Variants in CECR2 observed in about 807,000 individuals in gnomAD.
CECR2 encodes the protein chromatin remodeling regulator CECR2.
Under a neutral mutation model 154.5 loss-of-function variants are expected in CECR2, and 30 were observed. The observed-to-expected ratio is 0.19, with a 90% CI of 0.15 to 0.26. The LOEUF is 0.26. CECR2 is among the 10% of genes least tolerant of loss of function. The pLI is 1.00. For synonymous variants in CECR2, 725 were observed against 683.7 expected (o/e 1.06, Z -0.94); for missense variants, 1,743 against 1,829.3 (o/e 0.95, Z 0.86).
intron 1 of CECR2, among the ~76,000 whole-genome samples, chr22:17,432,207 A>G (rs910885223): frequency 2.0e-5 from 3 of 152,112 alleles, no homozygotes; most frequent in Non-Finnish European, 2.9e-5. Context: ...ATTTCCTGTA[A>G]GTGGAATCAC....
In CECR2 at chr22:17,505,884, G is replaced by GC. The variant is rs533565573; in HGVS notation, c.870+871dup. Among the ~76,000 whole-genome samples the GC allele has an allele frequency of 1.1e-3, 136 of 122,358 alleles. 1 individual carries two copies. Among genetic ancestry groups the GC allele is most frequent in the East Asian group, 2.1e-3 (8 of 3,858 alleles). 80.3% of individuals were successfully genotyped at this position (122,358 alleles called of 152,430 possible). A position where few individuals can be genotyped will look rare whatever the true frequency, so the allele number is the denominator to read the frequency against. On this transcript the variant is annotated intron_variant, in intron 7 of 18. Coordinates refer to ENST00000262608, the MANE Select transcript of CECR2 (RefSeq NM_001290047.2). Reference sequence around the variant, plus strand: ...TAAGGACAAGCTCTCTCACTTTGTCGCCCAGACTGGAATGCAGTAGTGTGG... The same window carrying GC: ...TAAGGACAAGCTCTCTCACTTTGTCGCCCCAGACTGGAATGCAGTAGTGTGG...
upstream of CECR2, among the ~76,000 whole-genome samples, chr22:17,366,409 G>T (rs2063002027): frequency 1.3e-5 from 2 of 152,116 alleles, no homozygotes; most frequent in African/African-American, 4.8e-5. Flanking sequence ...GGATGGTCTC[G>T]ATCTCTTTAC....
At chr22:17,544,250 G>A (rs2056575194) in intron 16 of CECR2, among the ~76,000 whole-genome samples, 1 of 152,132 alleles carries the variant, frequency 6.6e-6, no homozygotes, top group Non-Finnish European at 1.5e-5. Context: ...TGTAATCCCA[G>A]CACTTTGGGA....
At chr22:17,455,612 TTTTTG>T (rs1312345073) in intron 1 of CECR2, among the ~76,000 whole-genome samples, 2 of 152,134 alleles carry the variant, frequency 1.3e-5, no homozygotes, top group Admixed American at 1.3e-4. Flanking sequence ...AGCACACTGT[TTTTTG>T]TTTTGTTTTG....
chr22:17,391,044 A>G (rs2063320503), intron 1 of CECR2, among the ~76,000 whole-genome samples: 1 of 152,236 alleles, frequency 6.6e-6, no homozygotes, highest in South Asian at 2.1e-4. Flanking sequence ...ACATTGGCTG[A>G]ACCATTTGAA....
rs940161101 is a variant in CECR2 at position 17,511,831 on chromosome 22, A to T, written c.889A>T (p.Thr297Ser). Residue 297 changes from threonine to serine, a missense_variant, in exon 8 of 19, where the codon ACA (threonine) becomes TCA (serine). By Grantham distance (58) the Thr-to-Ser change is moderately conservative. Transcript: ENST00000262608. Reference protein sequence around the residue: ...IAQKGKRPQRTKAELHPRWMS... With the variant: ...IAQKGKRPQRSKAELHPRWMS... Reference sequence around the variant, plus strand: ...ACTATAGGGAAAACGTCCACAGCGCACAAAGGCAGAGTTGCATCCTAGGTG... The same window carrying T: ...ACTATAGGGAAAACGTCCACAGCGCTCAAAGGCAGAGTTGCATCCTAGGTG... The T allele has an allele frequency of 3.7e-6, 6 of 1,612,888 alleles. No individual in the cohort carries two copies. The highest frequency in any genetic ancestry group is 5.1e-6 in the Non-Finnish European group (6 of 1,179,282).
intron 1 of CECR2, among the ~76,000 whole-genome samples, chr22:17,471,526 GTTGTTTGT>G (rs145983028): frequency 4.6e-5 from 7 of 151,856 alleles, no homozygotes; most frequent in African/African-American, 1.7e-4. Context: ...TATTGTTGTT[GTTGTTTGT>G]TTGTTTGTTT....
chr22:17,524,679 A>ACCGCAC (rs2056226547), intron 9 of CECR2, among the ~76,000 whole-genome samples: 1 of 119,928 alleles, frequency 8.3e-6, no homozygotes, highest in African/African-American at 3.3e-5. Flanking sequence ...GGCATGAGCC[A>ACCGCAC]CCATGCCTGG....
chr22:17,552,269 C>A (rs2056720510), intron 18 of CECR2, 127 bp downstream of exon 18: 2 of 793,450 alleles, frequency 2.5e-6, no homozygotes, highest in Non-Finnish European at 4.0e-6. Flanking sequence ...TTGCCTGTAT[C>A]GTGCTTCCTT....
intron 1 of CECR2, among the ~76,000 whole-genome samples, chr22:17,361,541 G>A (rs2062977699): frequency 6.6e-6 from 1 of 151,128 alleles, no homozygotes; most frequent in African/African-American, 2.4e-5. Context: ...CATAGTAATA[G>A]CAAGGGTGTT....
At chr22:17,477,849 C>T (rs2055236380) in intron 2 of CECR2, among the ~76,000 whole-genome samples, 167 bp downstream of exon 2, 1 of 152,154 alleles carries the variant, frequency 6.6e-6, no homozygotes, top group Non-Finnish European at 1.5e-5. Flanking sequence ...TTGGCTTATT[C>T]TGCAGTTGGG....
At chr22:17,366,471 C>A (rs922451339), upstream of CECR2, among the ~76,000 whole-genome samples, 2 of 152,034 alleles carry the variant, frequency 1.3e-5, no homozygotes, top group East Asian at 1.9e-4. Flanking sequence ...ACAGGCGTCA[C>A]CTACCGCCCC....
chr22:17,435,941 TCTTTA>T (rs949260263), intron 1 of CECR2, among the ~76,000 whole-genome samples: 1 of 152,134 alleles, frequency 6.6e-6, no homozygotes, highest in African/African-American at 2.4e-5. Context: ...TCTTTTCTTT[TCTTTA>T]CCTTCTTTCT....
In CECR2 at chr22:17,458,392, C is replaced by T. The variant is rs1258962927; in HGVS notation, c.127-19196C>T. On this transcript the variant is annotated intron_variant, in intron 1 of 18. Transcript: ENST00000262608. ...TTGCACCAATGCACTACAACCTGGGCGACAGAGCAAGTCTCTGTCTCCAAA... is the reference window on the plus strand; with the variant it reads ...TTGCACCAATGCACTACAACCTGGGTGACAGAGCAAGTCTCTGTCTCCAAA... Among the ~76,000 whole-genome samples the T allele has an allele frequency of 5.4e-5, 8 of 147,934 alleles. No individual in the cohort carries two copies. The East Asian group carries it at 1.2e-3, about 22-fold the overall frequency.
At chr22:17,487,247 A>C (rs1221544682) in intron 2 of CECR2, among the ~76,000 whole-genome samples, 1 of 152,134 alleles carries the variant, frequency 6.6e-6, no homozygotes, top group Non-Finnish European at 1.5e-5. Flanking sequence ...TAGGAATTTA[A>C]CTAGTGGCTC....
At chr22:17,447,391 G>A (rs1601374124) in intron 1 of CECR2, among the ~76,000 whole-genome samples, 1 of 151,764 alleles carries the variant, frequency 6.6e-6, no homozygotes, top group African/African-American at 2.4e-5. Flanking sequence ...CTGACCTCGT[G>A]ATCCACCCAC....
rs1316292215 is a variant in CECR2, at chr22:17,552,854, T to C, written c.*14T>C. 9.7e-6 allele frequency: 15 copies of C among 1,541,300 alleles called. No homozygotes were observed. The Admixed American group carries it at 3.0e-4, about 31-fold the overall frequency. ...TTTCAGAGCTAGTCCAAGGAGGAAATGAGCCCCAAGCAATGGAAAGCTGCA... is the reference window on the plus strand; with the variant it reads ...TTTCAGAGCTAGTCCAAGGAGGAAACGAGCCCCAAGCAATGGAAAGCTGCA... On this transcript the variant is annotated 3_prime_UTR_variant, in exon 19 of 19. Transcript: ENST00000262608.
intron 6 of CECR2, 53 bp downstream of exon 6, chr22:17,503,184 TGC>T: frequency 6.7e-7 from 1 of 1,502,166 alleles, no homozygotes; most frequent in African/African-American, 1.4e-5. Context: ...GATTCATTTA[TGC>T]TAGGGTGTTG....
At chr22:17,499,299 A>AT in intron 3 of CECR2, 111 bp from the exon 4 acceptor site, 3 of 1,351,732 alleles carry the variant, frequency 2.2e-6, no homozygotes, top group Non-Finnish European at 2.0e-6. Context: ...ATACTTGGGC[A>AT]TTTTTAGATT....
Sources: allele counts gnomAD v4.1 joint callset (sites outside exome capture counted in the v4.1 genomes callset), GRCh38; gene constraint gnomAD v4.1.1; transcripts MANE v1.5; gene names NCBI Gene and HGNC (gene_info 2026-07-23, HGNC 2026-07-21).